The following KCNK2 variants were observed in gnomAD, a reference collection of about 807,000 sequenced individuals.
KCNK2 encodes the protein potassium two pore domain channel subfamily K member 2.
A neutral mutation model predicts 40.5 loss-of-function variants in KCNK2; 21 were observed. The ratio of observed to expected loss-of-function variants is 0.52; its 90% CI spans 0.37 to 0.75. The LOEUF is 0.75. Among genes scored for constraint, KCNK2 ranks in the 30% least tolerant of loss-of-function variants. KCNK2 has a pLI of 0.00. For synonymous variants in KCNK2, 191 were observed against 202.2 expected, an observed-to-expected ratio of 0.94 and a Z score of 0.47; for missense variants, 399 against 531.6, an observed-to-expected ratio of 0.75 and a Z score of 2.45.
At chr1:215,203,763 T>C (rs1260318786) in intron 6 of KCNK2, among the ~76,000 whole-genome samples, 1 of 151,914 alleles carries the variant, frequency 6.6e-6, no homozygotes, top group Non-Finnish European at 1.5e-5. Flanking sequence ...ATGTTGGATA[T>C]TCTATGGACT....
At chr1:215,179,199 G>A (rs1400363735) in intron 5 of KCNK2, among the ~76,000 whole-genome samples, 1 of 151,852 alleles carries the variant, frequency 6.6e-6, no homozygotes, top group African/African-American at 2.4e-5. Flanking sequence ...CAGTTGTAAT[G>A]TTACCTTTGT....
intron 5 of KCNK2, among the ~76,000 whole-genome samples, chr1:215,176,764 G>C (rs1663995993): frequency 6.6e-6 from 1 of 152,062 alleles, no homozygotes. Context: ...TTGATTTCTT[G>C]TCTTTGCTAT....
At chr1:215,228,250 A>G (rs748609641) in intron 6 of KCNK2, among the ~76,000 whole-genome samples, 15 of 152,322 alleles carry the variant, frequency 9.8e-5, no homozygotes, top group Non-Finnish European at 2.1e-4. Context: ...GAGAAAATTG[A>G]CCCGAACAGT....
chr1:215,209,968 A>T (rs1446019202), intron 6 of KCNK2, among the ~76,000 whole-genome samples: 20 of 64,420 alleles, frequency 3.1e-4, no homozygotes, highest in Non-Finnish European at 4.3e-4. Context: ...TATTTTATAT[A>T]TATTATATAT....
intron 1 of KCNK2, among the ~76,000 whole-genome samples, chr1:215,067,194 C>G (rs1658584645): frequency 6.6e-6 from 1 of 152,066 alleles, no homozygotes; most frequent in South Asian, 2.1e-4. Context: ...ATCTTCAGTT[C>G]TTTTTTGTAC....
chr1:215,039,261 T>C (rs1223683330), intron 1 of KCNK2, among the ~76,000 whole-genome samples: 3 of 152,086 alleles, frequency 2.0e-5, no homozygotes, highest in Non-Finnish European at 4.4e-5. Context: ...TAAAAAAAAT[T>C]ACTCCAACTT....
chr1:215,052,000 A>G (rs1274947209), intron 1 of KCNK2, among the ~76,000 whole-genome samples: 2 of 152,222 alleles, frequency 1.3e-5, no homozygotes. Context: ...TCCAGCAAAC[A>G]TTTATTAAGT....
At chr1:215,082,335 C>T (rs1268122076), upstream of KCNK2, among the ~76,000 whole-genome samples, 2 of 152,148 alleles carry the variant, frequency 1.3e-5, no homozygotes, top group Non-Finnish European at 2.9e-5. Context: ...GGGGACACTT[C>T]CCTGTACAGG....
chr1:215,128,330 T>A (rs1661525074), intron 3 of KCNK2, among the ~76,000 whole-genome samples: 1 of 152,198 alleles, frequency 6.6e-6, no homozygotes, highest in Non-Finnish European at 1.5e-5. Flanking sequence ...GAATGGCTGC[T>A]GGGAGTTGAT....
chr1:215,083,342 C>A lies in KCNK2; in HGVS notation c.-44C>A. On this transcript the variant is annotated 5_prime_UTR_variant, in exon 1 of 7. Transcript: ENST00000444842. The stretch of plus-strand genomic sequence containing the variant: ...ATGGCGTGTTTGTAAAAAAAAGCTT[C>A]AAGTCCGTCTTTTTCAAAAAACATT... 1 of 1,614,046 alleles carries A rather than the reference C, an allele frequency of 6.2e-7. No individual in the cohort carries two copies. The highest frequency in any genetic ancestry group is 2.2e-5 in the East Asian group (1 of 44,818).
At chr1:215,117,907 A>G (rs1558098974) in intron 2 of KCNK2, among the ~76,000 whole-genome samples, 1 of 152,132 alleles carries the variant, frequency 6.6e-6, no homozygotes, top group Non-Finnish European at 1.5e-5. Flanking sequence ...AAATGGCCCA[A>G]GAAGCAGCCC....
rs146125139 is a variant in KCNK2, at chr1:215,087,154, A to G, written c.357+476A>G. ...TAATCTTGGCAGTGGCCATCATAAG[A>G]TAGAAAAGATGAATTCATGATGTGA... On this transcript the variant is annotated intron_variant, in intron 2 of 6. Coordinates refer to ENST00000444842, the MANE Select transcript of KCNK2 (RefSeq NM_001017425.3). 9.2e-5 allele frequency among the ~76,000 whole-genome samples: 14 copies of G among 152,354 alleles called. No homozygotes were observed. In the East Asian group the frequency reaches 2.7e-3, roughly 29 times the overall value.
At chr1:215,146,411 G>C (rs772874302) in intron 3 of KCNK2, among the ~76,000 whole-genome samples, 1 of 152,114 alleles carries the variant, frequency 6.6e-6, no homozygotes, top group Non-Finnish European at 1.5e-5. Context: ...ATTTTATTAT[G>C]TAAGTTGCAA....
chr1:215,187,016 C>G (rs1460274153), intron 5 of KCNK2, among the ~76,000 whole-genome samples: 5 of 152,134 alleles, frequency 3.3e-5, no homozygotes, highest in Non-Finnish European at 7.4e-5. Context: ...GTAGCCTAGG[C>G]TGGAGTGCAG....
intron 3 of KCNK2, among the ~76,000 whole-genome samples, chr1:215,149,883 G>A (rs1662607288): frequency 1.3e-5 from 2 of 152,180 alleles, no homozygotes; most frequent in Admixed American, 6.5e-5. Context: ...TTCAAGATGA[G>A]AGACTGCCTG....
In KCNK2 at chr1:215,193,609, A is replaced by G. The variant is rs148708746; in HGVS notation, c.824-1344A>G. On this transcript the variant is annotated intron_variant, in intron 5 of 6. Coordinates refer to ENST00000444842, the MANE Select transcript of KCNK2 (RefSeq NM_001017425.3). Reference sequence around the variant, plus strand: ...CCATCTCTGCCCTATCTCAGACACAATAATTTCTTAGCTAATTCAGAACAA... The same window carrying G: ...CCATCTCTGCCCTATCTCAGACACAGTAATTTCTTAGCTAATTCAGAACAA... Among the ~76,000 whole-genome samples the G allele has an allele frequency of 3.0e-3, 462 of 152,150 alleles. 1 individual carries two copies. Among genetic ancestry groups the G allele is most frequent in the African/African-American group, 0.011 (442 of 41,506 alleles).
intron 1 of KCNK2, among the ~76,000 whole-genome samples, chr1:215,027,475 A>G (rs982785241): frequency 2.0e-5 from 3 of 152,164 alleles, no homozygotes; most frequent in South Asian, 4.1e-4. Flanking sequence ...TCCCTCCAAC[A>G]TCTATTAATG....
chr1:215,171,920 GTC>G (rs3834061), intron 4 of KCNK2, 75 bp from the exon 5 acceptor site: 3,382 of 877,582 alleles, frequency 3.9e-3, no homozygotes, highest in South Asian at 0.019. Context: ...CTCTCTCTTT[GTC>G]TCTCTCTCTC....
chr1:215,193,669 T>G (rs1664753828), intron 5 of KCNK2, among the ~76,000 whole-genome samples: 1 of 152,186 alleles, frequency 6.6e-6, no homozygotes, highest in African/African-American at 2.4e-5. Context: ...CAATTTGTTC[T>G]TCTCTGCCAC....
Sources: gnomAD v4.1 joint callset for allele counts (sites outside exome capture counted in the v4.1 genomes callset) on GRCh38, gnomAD v4.1.1 for gene constraint, MANE v1.5 for transcripts, NCBI Gene and HGNC (gene_info 2026-07-23, HGNC 2026-07-21) for gene names.